TMEM108: variants seen among roughly 807,000 people sequenced by gnomAD.
TMEM108 encodes the protein cancer/testis antigen 124.
TMEM108 carries 12 observed loss-of-function variants against 35.1 expected under a neutral mutation model. The observed-to-expected ratio is 0.34, with a 90% CI of 0.22 to 0.55. The LOEUF is 0.55. Among genes scored for constraint, TMEM108 ranks in the 20% least tolerant of loss-of-function variants. The pLI is 0.89. For synonymous variants in TMEM108, 287 were observed against 308.6 expected, an observed-to-expected ratio of 0.93 and a Z score of 0.73; for missense variants, 680 against 753.3, an observed-to-expected ratio of 0.90 and a Z score of 1.14.
At chr3:133,242,419 G>A (rs1559879539) in intron 3 of TMEM108, among the ~76,000 whole-genome samples, 1 of 152,152 alleles carries the variant, frequency 6.6e-6, no homozygotes, top group Admixed American at 6.5e-5. Context: ...ACAGTTTTTT[G>A]GAGAAGTTTA....
At chr3:133,330,543 C>G (rs1289572862) in intron 3 of TMEM108, among the ~76,000 whole-genome samples, 1 of 152,074 alleles carries the variant, frequency 6.6e-6, no homozygotes, top group Non-Finnish European at 1.5e-5. Context: ...GTAAAACCAT[C>G]TGGTTTTACA....
chr3:133,153,083 T>G (rs910886854), intron 2 of TMEM108, among the ~76,000 whole-genome samples: 1 of 152,110 alleles, frequency 6.6e-6, no homozygotes, highest in Non-Finnish European at 1.5e-5. Flanking sequence ...AAAATCAAAT[T>G]TGATTTGTGC....
intron 2 of TMEM108, among the ~76,000 whole-genome samples, chr3:133,066,490 T>C (rs928087420): frequency 6.6e-6 from 1 of 152,174 alleles, no homozygotes; most frequent in Non-Finnish European, 1.5e-5. Flanking sequence ...AGAAAATTGC[T>C]GGCTTTTAGG....
intron 2 of TMEM108, among the ~76,000 whole-genome samples, chr3:133,091,222 AC>A (rs1176353877): frequency 6.6e-6 from 1 of 152,126 alleles, no homozygotes; most frequent in Non-Finnish European, 1.5e-5. Context: ...GAGAAATTGA[AC>A]TTTTCCATAT....
At chr3:133,352,939 C>T (rs2072048394) in intron 3 of TMEM108, among the ~76,000 whole-genome samples, 1 of 152,184 alleles carries the variant, frequency 6.6e-6, no homozygotes, top group Non-Finnish European at 1.5e-5. Flanking sequence ...AGTTCCAGCC[C>T]TCTAATCACT....
chr3:133,198,848 A>G (rs78745753), intron 2 of TMEM108, among the ~76,000 whole-genome samples: 1 of 152,108 alleles, frequency 6.6e-6, no homozygotes, highest in African/African-American at 2.4e-5. Flanking sequence ...AGGTTGGGGA[A>G]GTTCTCTTCC....
Position 133,249,545 on chromosome 3 carries a change from G to A in TMEM108, c.40+20194G>A, listed in dbSNP as rs183049974. Reference sequence around the variant, plus strand: ...CCCAATGCTTAGCTCCCACTTATAAGTGAGAACATGTGCCATTAGGTTTTC... The same window carrying A: ...CCCAATGCTTAGCTCCCACTTATAAATGAGAACATGTGCCATTAGGTTTTC... On this transcript the variant is annotated intron_variant, in intron 3 of 5. Coordinates refer to ENST00000321871, the MANE Select transcript of TMEM108 (RefSeq NM_023943.4). 6.3e-3 allele frequency among the ~76,000 whole-genome samples: 962 copies of A among 152,256 alleles called. 12 individuals carry two copies. Among genetic ancestry groups the A allele is most frequent in the African/African-American group, 0.021 (889 of 41,544 alleles).
At chr3:133,333,213 G>A (rs970869470) in intron 3 of TMEM108, among the ~76,000 whole-genome samples, 23 of 151,996 alleles carry the variant, frequency 1.5e-4, no homozygotes, top group African/African-American at 4.4e-4. Context: ...ACACACCCTT[G>A]GATGTTCTTT....
intron 2 of TMEM108, among the ~76,000 whole-genome samples, chr3:133,143,713 G>A (rs952464217): frequency 2.0e-5 from 3 of 152,094 alleles, no homozygotes; most frequent in African/African-American, 7.2e-5. Context: ...CTGCTGCACT[G>A]AAATGGGCTG....
chr3:133,128,727 G>A (rs1576333793), intron 2 of TMEM108, among the ~76,000 whole-genome samples: 2 of 152,286 alleles, frequency 1.3e-5, no homozygotes, highest in South Asian at 2.1e-4. Context: ...TTTCTTGGGT[G>A]AAGAAACAAA....
chr3:133,395,755 A>G, intron 5 of TMEM108, 109 bp from the exon 6 acceptor site: 1 of 1,201,734 alleles, frequency 8.3e-7, no homozygotes, highest in Non-Finnish European at 1.1e-6. Context: ...GAAAATGTGC[A>G]CCAAGCCATC....
At chr3:133,072,818 G>A (rs900695930) in intron 2 of TMEM108, among the ~76,000 whole-genome samples, 6 of 151,938 alleles carry the variant, frequency 3.9e-5, no homozygotes, top group African/African-American at 9.7e-5. Flanking sequence ...GCCCTACCCC[G>A]TTTCCCCTAA....
intron 2 of TMEM108, among the ~76,000 whole-genome samples, chr3:133,181,510 C>G (rs967989022): frequency 6.6e-6 from 1 of 152,064 alleles, no homozygotes; most frequent in African/African-American, 2.4e-5. Context: ...TAAATTAGAT[C>G]TAATGTTTAG....
chr3:133,388,020 G>A, intron 4 of TMEM108: 1 of 985,478 alleles, frequency 1.0e-6, no homozygotes, highest in East Asian at 1.1e-4. Flanking sequence ...GTCTATGGCA[G>A]TGTTTTGTGG....
At chr3:133,282,509 C>T (rs1946929118) in intron 3 of TMEM108, among the ~76,000 whole-genome samples, 1 of 152,182 alleles carries the variant, frequency 6.6e-6, no homozygotes, top group South Asian at 2.1e-4. Flanking sequence ...TGCGTAAACT[C>T]TTCATCTCTG....
chr3:133,168,541 A>C (rs1481619754), intron 2 of TMEM108, among the ~76,000 whole-genome samples: 1 of 151,748 alleles, frequency 6.6e-6, no homozygotes, highest in Non-Finnish European at 1.5e-5. Context: ...GATTGTAAAC[A>C]CACCAGTTAG....
At position 133,283,173 on chromosome 3, in the gene TMEM108, T is replaced by C. The variant is rs199529515; in HGVS notation, c.40+53822T>C. Among the ~76,000 whole-genome samples the C allele has an allele frequency of 1.1e-4, 17 of 152,352 alleles. No homozygotes were observed. The East Asian group carries it at 2.5e-3, about 22-fold the overall frequency. On this transcript the variant is annotated intron_variant, in intron 3 of 5. Transcript: ENST00000321871. ...CATTTAAAAATATTTTTAAATAGGA[T>C]TTTTGTAAAGAGTGAGGTGGCGGTG...
intron 2 of TMEM108, among the ~76,000 whole-genome samples, chr3:133,143,215 T>C (rs559834281): frequency 3.9e-5 from 6 of 152,244 alleles, no homozygotes; most frequent in African/African-American, 1.2e-4. Context: ...AGGGGTGAAT[T>C]GAAAGGAAGC....
intron 3 of TMEM108, among the ~76,000 whole-genome samples, chr3:133,296,667 G>A (rs1210303728): frequency 6.6e-6 from 1 of 152,132 alleles, no homozygotes; most frequent in Admixed American, 6.5e-5. Context: ...CTAATCCAAA[G>A]CAACCCGTGT....
Sources: allele counts gnomAD v4.1 joint callset (sites outside exome capture counted in the v4.1 genomes callset), GRCh38; gene constraint gnomAD v4.1.1; transcripts MANE v1.5; gene names NCBI Gene and HGNC (gene_info 2026-07-23, HGNC 2026-07-21).